Variants in CTNNA2 observed in about 807,000 individuals in gnomAD.
The protein encoded by CTNNA2 is catenin alpha-2.
CTNNA2 carries 42 observed loss-of-function variants against 101.0 expected under a neutral mutation model. The observed-to-expected ratio is 0.42, with a 90% CI of 0.32 to 0.54. The LOEUF (loss-of-function observed/expected upper bound fraction) is 0.54. Among genes scored for constraint, CTNNA2 ranks in the 20% least tolerant of loss-of-function variants. The pLI is 0.14. For synonymous variants in CTNNA2, 450 were observed against 456.4 expected (o/e 0.99, Z 0.18); for missense variants, 871 against 1,223.1 (o/e 0.71, Z 4.29).
At position 80,405,233 on chromosome 2, in the gene CTNNA2, C is replaced by T. The variant is rs143700876; in HGVS notation, c.1137+11942C>T. On this transcript the variant is annotated intron_variant, in intron 8 of 18. Coordinates refer to ENST00000402739, the MANE Select transcript of CTNNA2 (RefSeq NM_001282597.3). ...CATTCTTTACTTGATTCTTTATTGACGATCGCTGCAATTCTTCAGAGAGAT... is the reference window on the plus strand; with the variant it reads ...CATTCTTTACTTGATTCTTTATTGATGATCGCTGCAATTCTTCAGAGAGAT... 1.6e-3 allele frequency among the ~76,000 whole-genome samples: 251 copies of T among 152,190 alleles called. 2 individuals are homozygous for T. The highest frequency in any genetic ancestry group is 5.1e-3 in the African/African-American group (212 of 41,538).
chr2:79,280,685 A>AAGAGAGAGAGAGAGAG (rs1303364237), intron 2 of CTNNA2, among the ~76,000 whole-genome samples: 1 of 88,446 alleles, frequency 1.1e-5, no homozygotes, highest in Non-Finnish European at 2.3e-5. Context: ...GAGAGAGAGA[A>AAGAGAGAGAGAGAGAG]AGAGAGAGAG....
At chr2:79,952,844 G>A (rs891158906) in intron 7 of CTNNA2, among the ~76,000 whole-genome samples, 1 of 152,214 alleles carries the variant, frequency 6.6e-6, no homozygotes, top group Admixed American at 6.5e-5. Flanking sequence ...AAAGATGAAA[G>A]TATTTACTGT....
intron 7 of CTNNA2, among the ~76,000 whole-genome samples, chr2:80,266,628 A>G (rs772712551): frequency 6.6e-6 from 1 of 152,200 alleles, no homozygotes; most frequent in Non-Finnish European, 1.5e-5. Context: ...TTTAACCGGT[A>G]TGGATAAAGA....
chr2:79,855,107 C>T (rs1026195691), intron 3 of CTNNA2, among the ~76,000 whole-genome samples: 1 of 152,176 alleles, frequency 6.6e-6, no homozygotes, highest in Non-Finnish European at 1.5e-5. Context: ...ATGAAATCAT[C>T]TTCTATTTAT....
At chr2:79,654,451 C>A (rs1041787625) in intron 2 of CTNNA2, among the ~76,000 whole-genome samples, 5 of 152,180 alleles carry the variant, frequency 3.3e-5, no homozygotes, top group Admixed American at 6.5e-5. Flanking sequence ...GTGTCACCTT[C>A]TTCCATTTTA....
chr2:79,423,433 A>G (rs1678559359), intron 4 of CTNNA2, among the ~76,000 whole-genome samples: 1 of 152,182 alleles, frequency 6.6e-6, no homozygotes, highest in African/African-American at 2.4e-5. Flanking sequence ...GTGAGATATA[A>G]TAAAATATTT....
At chr2:79,565,980 A>G (rs1675088827) in intron 1 of CTNNA2, among the ~76,000 whole-genome samples, 1 of 152,180 alleles carries the variant, frequency 6.6e-6, no homozygotes, top group African/African-American at 2.4e-5. Context: ...CAGATGAAAC[A>G]GCCCGAAAAG....
chr2:80,294,761 C>T (rs1675593608), intron 7 of CTNNA2, among the ~76,000 whole-genome samples: 1 of 152,160 alleles, frequency 6.6e-6, no homozygotes, highest in Non-Finnish European at 1.5e-5. Context: ...CAAGTGGTTC[C>T]AGTGTGCAGC....
At chr2:79,386,783 C>A (rs1363676005) in intron 4 of CTNNA2, among the ~76,000 whole-genome samples, 4 of 152,194 alleles carry the variant, frequency 2.6e-5, no homozygotes, top group East Asian at 1.9e-4. Flanking sequence ...TTTAACAATT[C>A]ATTGTGATTT....
At chr2:79,613,731 G>A (rs1678442295) in intron 1 of CTNNA2, among the ~76,000 whole-genome samples, 1 of 152,156 alleles carries the variant, frequency 6.6e-6, no homozygotes, top group East Asian at 1.9e-4. Context: ...GTGTTGCCCA[G>A]AAAGTCTCCA....
intron 2 of CTNNA2, among the ~76,000 whole-genome samples, chr2:79,214,913 C>A (rs12474502): frequency 0.78 from 118,274 of 151,562 alleles, 46,605 homozygotes; most frequent in East Asian, 0.96. Context: ...CACAACAGTT[C>A]TGGAGGCAAG....
intron 4 of CTNNA2, among the ~76,000 whole-genome samples, chr2:79,428,761 G>T (rs1355378801): frequency 6.6e-6 from 1 of 152,108 alleles, no homozygotes; most frequent in African/African-American, 2.4e-5. Flanking sequence ...AAATGGGTCA[G>T]TAGATAGCTG....
intron 4 of CTNNA2, among the ~76,000 whole-genome samples, chr2:79,466,355 T>C (rs1670935045): frequency 6.6e-6 from 1 of 152,122 alleles, no homozygotes; most frequent in South Asian, 2.1e-4. Context: ...TTGCTGAGGT[T>C]TGAGTAGGTA....
Position 80,604,086 on chromosome 2 carries a change from A to G in CTNNA2, c.2202A>G (p.Pro734=), listed in dbSNP as rs1697789536. 1 of 1,612,932 alleles carries G rather than the reference A, an allele frequency of 6.2e-7. No individual in the cohort carries two copies. Among genetic ancestry groups the G allele is most frequent in the Non-Finnish European group, 8.5e-7 (1 of 1,179,324 alleles). ...TATGTTGTTTCAGAGGCAAAGGCCC[A>G]TTGAAAAATACATCTGATGTCATTA... ...EMTDFTRGKG[P]LKNTSDVINA... Residue 734 remains proline, a synonymous_variant, in exon 16 of 19, where the codon CCA becomes CCG. Transcript: ENST00000402739.
intron 2 of CTNNA2, among the ~76,000 whole-genome samples, chr2:79,672,415 A>G (rs1284745470): frequency 7.2e-5 from 11 of 152,162 alleles, no homozygotes; most frequent in Non-Finnish European, 1.6e-4. Flanking sequence ...GAAATGTCCA[A>G]TTATTCCCTT....
chr2:80,196,568 A>G (rs1706846468), intron 7 of CTNNA2, among the ~76,000 whole-genome samples: 1 of 152,306 alleles, frequency 6.6e-6, no homozygotes, highest in Non-Finnish European at 1.5e-5. Flanking sequence ...CCAATTTTCA[A>G]CAACCCTAAA....
At chr2:80,316,363 G>T (rs1309395645) in intron 7 of CTNNA2, among the ~76,000 whole-genome samples, 2 of 152,116 alleles carry the variant, frequency 1.3e-5, no homozygotes, top group Non-Finnish European at 2.9e-5. Flanking sequence ...AAACAGCTAG[G>T]CATGTACTTA....
intron 7 of CTNNA2, among the ~76,000 whole-genome samples, chr2:80,216,266 G>C (rs1203341610): frequency 2.6e-5 from 4 of 152,164 alleles, no homozygotes; most frequent in Non-Finnish European, 1.5e-5. Context: ...TACACCCACT[G>C]TCCGACAAGC....
rs78226256 is a variant in CTNNA2, at chr2:79,476,036, A to G, written c.-134-29018A>G. 6.1e-4 allele frequency among the ~76,000 whole-genome samples: 93 copies of G among 152,324 alleles called. 1 individual carries two copies. The highest frequency in any genetic ancestry group is 5.3e-3 in the Admixed American group (81 of 15,298). ...TGATGCCATTTATATTTATGGAATT[A>G]ATATCAATTATTTTATCATAATTTC... On this transcript the variant is annotated intron_variant, in intron 4 of 21. Transcript: ENST00000466387.
Sources: allele counts gnomAD v4.1 joint callset (sites outside exome capture counted in the v4.1 genomes callset), GRCh38; gene constraint gnomAD v4.1.1; transcripts MANE v1.5; gene names NCBI Gene and HGNC (gene_info 2026-07-23, HGNC 2026-07-21).